Variants in KATNBL1 observed in about 807,000 individuals in gnomAD.
KATNBL1 encodes the protein katanin regulatory subunit B1 like 1.
KATNBL1 carries 28 observed loss-of-function variants against 44.7 expected under a neutral mutation model. The ratio of observed to expected loss-of-function variants is 0.63; its 90% CI spans 0.46 to 0.86. The LOEUF is 0.86. Among genes scored for constraint, KATNBL1 ranks in the 40% least tolerant of loss-of-function variants. The probability of loss-of-function intolerance (pLI) is 0.00; values close to 1 mark genes in which losing one functional copy is unlikely to be tolerated. For synonymous variants in KATNBL1, 78 were observed against 114.9 expected (o/e 0.68, Z 2.06); for missense variants, 272 against 350.7 (o/e 0.78, Z 1.79).
At chr15:34,182,469 A>G (rs1417296794) in intron 1 of KATNBL1, among the ~76,000 whole-genome samples, 1 of 152,196 alleles carries the variant, frequency 6.6e-6, no homozygotes, top group Non-Finnish European at 1.5e-5. Flanking sequence ...ATTTAGAGTG[A>G]CCATAGAATT....
At chr15:34,199,653 G>C (rs1890118572) in intron 1 of KATNBL1, 1 of 152,464 alleles carries the variant, frequency 6.6e-6, no homozygotes, top group Admixed American at 6.5e-5. Flanking sequence ...CTTCCCTCTG[G>C]TGGGTTCGTG....
At chr15:34,196,089 G>T (rs2140994055) in intron 1 of KATNBL1, among the ~76,000 whole-genome samples, 1 of 152,286 alleles carries the variant, frequency 6.6e-6, no homozygotes, top group East Asian at 1.9e-4. Context: ...ATTAAAAAAA[G>T]ATGTTACACA....
chr15:34,171,159 C>T (rs1369221444), intron 1 of KATNBL1, among the ~76,000 whole-genome samples: 14 of 151,950 alleles, frequency 9.2e-5, no homozygotes, highest in Admixed American at 7.2e-4. Flanking sequence ...GCCTATAGAA[C>T]GGGAGAAAAT....
At chr15:34,203,247 C>A (rs1365038497) in intron 1 of KATNBL1, among the ~76,000 whole-genome samples, 1 of 152,096 alleles carries the variant, frequency 6.6e-6, no homozygotes, top group Non-Finnish European at 1.5e-5. Flanking sequence ...TCCTTGATTT[C>A]TTTTTTCCTT....
At position 34,188,137 on chromosome 15, in the gene KATNBL1, TAAAAAAAAAAA is replaced by T. The variant is rs1201268078; in HGVS notation, c.-15+21803_-15+21813del. 7.2e-4 allele frequency among the ~76,000 whole-genome samples: 16 copies of T among 22,100 alleles called. 1 individual carries two copies. The East Asian group carries it at 0.015, about 21-fold the overall frequency. The allele number at this position is 22,100 out of a possible 152,430, so 14.5% of individuals were successfully genotyped here. On this transcript the variant is annotated intron_variant, in intron 1 of 9. Transcript: ENST00000256544. ...CTGGGTGACAGAGGAAGACGCCATG[TAAAAAAAAAAA>T]AAAAAAAAAAAAAAAAAGAAAATTC...
intron 9 of KATNBL1, 196 bp from the exon 10 acceptor site, chr15:34,142,567 A>G (rs1888180595): frequency 4.0e-6 from 2 of 500,968 alleles, no homozygotes. Flanking sequence ...TGCTCAATAT[A>G]TATTTGCTAA....
At chr15:34,194,627 G>A (rs1258395311) in intron 1 of KATNBL1, among the ~76,000 whole-genome samples, 2 of 152,028 alleles carry the variant, frequency 1.3e-5, no homozygotes, top group Non-Finnish European at 2.9e-5. Context: ...GTGTGGAGGT[G>A]GGGTTGGGAA....
At chr15:34,165,810 G>A (rs1053534257) in intron 1 of KATNBL1, 1 of 151,842 alleles carries the variant, frequency 6.6e-6, no homozygotes, top group African/African-American at 2.4e-5. Context: ...ATAATAATTA[G>A]TAATAAATAA....
chr15:34,158,247 T>C (rs1888697134), intron 2 of KATNBL1, among the ~76,000 whole-genome samples: 1 of 152,218 alleles, frequency 6.6e-6, no homozygotes, highest in South Asian at 2.1e-4. Context: ...AGTCTCTTGA[T>C]GCAGATGAGA....
chr15:34,167,269 G>GA (rs1418311769), intron 1 of KATNBL1, among the ~76,000 whole-genome samples: 2 of 152,298 alleles, frequency 1.3e-5, no homozygotes, highest in East Asian at 3.9e-4. Context: ...TCATGGAGCT[G>GA]AAAATCACAG....
intron 1 of KATNBL1, among the ~76,000 whole-genome samples, chr15:34,192,862 A>T (rs575972270): frequency 6.6e-6 from 1 of 152,278 alleles, no homozygotes; most frequent in East Asian, 1.9e-4. Flanking sequence ...ACAGTATTAA[A>T]CGTTTTTACT....
chr15:34,189,790 T>C (rs562768240), intron 1 of KATNBL1, among the ~76,000 whole-genome samples: 7 of 152,282 alleles, frequency 4.6e-5, no homozygotes, highest in African/African-American at 1.7e-4. Context: ...ACACACAAAT[T>C]CTGTTCAAAA....
At chr15:34,146,962 T>C in intron 7 of KATNBL1, 112 bp from the exon 8 acceptor site, 1 of 717,438 alleles carries the variant, frequency 1.4e-6, no homozygotes, top group Non-Finnish European at 2.4e-6. Flanking sequence ...CCCTTCCCTT[T>C]TAAAAAATTG....
intron 1 of KATNBL1, among the ~76,000 whole-genome samples, chr15:34,191,188 T>TATATATATATATATATATATATATA (rs1331589830): frequency 1.2e-4 from 16 of 137,892 alleles, no homozygotes; most frequent in Non-Finnish European, 2.2e-4. Context: ...TATATATATA[T>TATATATATATATATATATATATATA]TTGGTAGGGC....
rs201991821 is a variant in KATNBL1, at chr15:34,168,535, CAGA to C, written c.-14-4848_-14-4846del. 7.3e-3 allele frequency among the ~76,000 whole-genome samples: 1,115 copies of C among 152,224 alleles called. 15 individuals carry two copies. Among genetic ancestry groups the C allele is most frequent in the African/African-American group, 0.025 (1,056 of 41,524 alleles). On this transcript the variant is annotated intron_variant, in intron 1 of 9. Coordinates refer to ENST00000256544, the MANE Select transcript of KATNBL1 (RefSeq NM_024713.3). ...GTCAATATTAGACAGATCAGTGAGA[CAGA>C]AGGTTAACAAGGATGCCCAGGATTT...
rs1246237215 is a variant in KATNBL1 at position 34,147,362 on chromosome 15, G to A, written c.608+18C>T. 6.2e-7 allele frequency: 1 copy of A among 1,608,100 alleles called. No homozygotes were observed. Among genetic ancestry groups the A allele is most frequent in the Non-Finnish European group, 8.5e-7 (1 of 1,175,716 alleles). On this transcript the variant is annotated intron_variant, in intron 6 of 9. Transcript: ENST00000256544. ...CCTCCTTTAATCTTATTTTTTTTCT[G>A]AAAAATATTGTTTTTACCAATTGGT...
At position 34,190,526 on chromosome 15, in the gene KATNBL1, C is replaced by T. The variant is rs567003224; in HGVS notation, c.-15+19425G>A. 2.6e-5 allele frequency among the ~76,000 whole-genome samples: 4 copies of T among 152,150 alleles called. No homozygotes were observed. In the South Asian group the frequency reaches 8.3e-4, roughly 32 times the overall value. On this transcript the variant is annotated intron_variant, in intron 1 of 9. Coordinates refer to ENST00000256544, the MANE Select transcript of KATNBL1 (RefSeq NM_024713.3). ...AACCACAGTAAAACTCTTGTATACT[C>T]AAAATTCAGAATCCAGAGCTTTCCA...
intron 1 of KATNBL1, among the ~76,000 whole-genome samples, chr15:34,177,601 C>A (rs1889373712): frequency 8.0e-6 from 1 of 124,416 alleles, no homozygotes; most frequent in South Asian, 2.5e-4. Context: ...CCACTGTACT[C>A]CAGCCTGGGT....
chr15:34,190,369 C>T (rs763043510), intron 1 of KATNBL1, among the ~76,000 whole-genome samples: 4 of 152,176 alleles, frequency 2.6e-5, no homozygotes, highest in Non-Finnish European at 5.9e-5. Flanking sequence ...ACTAAAAACG[C>T]AGAAGCAGTT....
Sources: gnomAD v4.1 joint callset for allele counts (sites outside exome capture counted in the v4.1 genomes callset) on GRCh38, gnomAD v4.1.1 for gene constraint, MANE v1.5 for transcripts, NCBI Gene and HGNC (gene_info 2026-07-23, HGNC 2026-07-21) for gene names.